Variants in ERC1 observed in about 807,000 individuals in gnomAD.
ERC1 encodes RAB6 interacting protein 2.
Under a neutral mutation model 132.0 loss-of-function variants are expected in ERC1, and 56 were observed. The observed-to-expected ratio is 0.42, with a 90% CI of 0.34 to 0.53. ERC1 has a LOEUF of 0.53. ERC1 is among the 20% of genes least tolerant of loss of function. The pLI is 0.03. For synonymous variants in ERC1, 478 were observed against 476.1 expected (o/e 1.00, Z -0.05); for missense variants, 1,202 against 1,349.9 (o/e 0.89, Z 1.72).
At position 1,205,824 on chromosome 12, in the gene ERC1, T is replaced by G. The variant is rs181754374; in HGVS notation, c.2351+15772T>G. Among the ~76,000 whole-genome samples the G allele has an allele frequency of 3.7e-3, 565 of 152,224 alleles. 3 individuals carry two copies. Among genetic ancestry groups the G allele is most frequent in the Admixed American group, 6.9e-3 (106 of 15,288 alleles). On this transcript the variant is annotated intron_variant, in intron 12 of 18. Coordinates refer to ENST00000360905, the MANE Select transcript of ERC1 (RefSeq NM_178040.4). ...GAGAACTTTCATCTCTAACTTAAGC[T>G]TCAAGCTGACTCATTTTAGTGGGAA...
Position 1,493,964 on chromosome 12 carries a change from A to T in ERC1, c.*3734A>T, listed in dbSNP as rs188967422. The T allele has an allele frequency of 8.6e-6, 2 of 232,302 alleles. No homozygotes were observed. The highest frequency in any genetic ancestry group is 1.7e-5 in the Non-Finnish European group (2 of 117,584). 14.4% of individuals were successfully genotyped at this position (232,302 alleles called of 1,614,324 possible). On this transcript the variant is annotated 3_prime_UTR_variant, in exon 19 of 19. Transcript: ENST00000360905. ...ATAAATGTTTCTGAGCCGCCCATCC[A>T]CTGGCATTTGGATTTGCTGCCAGAG...
At chr12:1,014,113 A>T (rs1191171315) in intron 1 of ERC1, among the ~76,000 whole-genome samples, 2 of 151,966 alleles carry the variant, frequency 1.3e-5, no homozygotes, top group Non-Finnish European at 2.9e-5. Context: ...TTAGTGCCGA[A>T]TGGTTGTGGA....
chr12:1,312,376 A>G (rs546425617), intron 15 of ERC1, among the ~76,000 whole-genome samples: 2 of 152,148 alleles, frequency 1.3e-5, no homozygotes, highest in Admixed American at 6.5e-5. Flanking sequence ...TCAGAGAAGT[A>G]AAGCAATTTT....
chr12:1,339,395 TCAGC>T (rs2083604775), intron 15 of ERC1, among the ~76,000 whole-genome samples: 2 of 138,866 alleles, frequency 1.4e-5, no homozygotes, highest in African/African-American at 2.9e-5. Context: ...CAGAGGCAGC[TCAGC>T]TGGACAACTG....
At chr12:1,195,779 A>T (rs2154279781) in intron 12 of ERC1, among the ~76,000 whole-genome samples, 1 of 150,854 alleles carries the variant, frequency 6.6e-6, no homozygotes, top group Admixed American at 6.7e-5. Context: ...TATGTGAGAT[A>T]GGACAATTTC....
intron 9 of ERC1, among the ~76,000 whole-genome samples, chr12:1,181,446 A>G (rs1954450766): frequency 6.6e-6 from 1 of 152,220 alleles, no homozygotes; most frequent in African/African-American, 2.4e-5. Flanking sequence ...CTTGGGATTC[A>G]AATGAATAAA....
intron 8 of ERC1, among the ~76,000 whole-genome samples, chr12:1,160,452 A>C (rs758348929): frequency 6.6e-6 from 1 of 152,160 alleles, no homozygotes; most frequent in Non-Finnish European, 1.5e-5. Flanking sequence ...ATCTAAGATC[A>C]AGGTGAGCAT....
At chr12:1,062,014 G>T (rs1253415438) in intron 2 of ERC1, among the ~76,000 whole-genome samples, 1 of 125,226 alleles carries the variant, frequency 8.0e-6, no homozygotes, top group South Asian at 2.4e-4. Context: ...TTTTTGAGAC[G>T]GAGTCTTGCT....
At chr12:1,450,544 TTGA>T (rs1286752726) in intron 18 of ERC1, among the ~76,000 whole-genome samples, 1 of 152,250 alleles carries the variant, frequency 6.6e-6, no homozygotes, top group Non-Finnish European at 1.5e-5. Context: ...CATTCCTCCA[TTGA>T]TGAACACTCG....
At chr12:1,417,910 T>A (rs2092203040) in intron 17 of ERC1, among the ~76,000 whole-genome samples, 1 of 152,184 alleles carries the variant, frequency 6.6e-6, no homozygotes, top group Non-Finnish European at 1.5e-5. Flanking sequence ...AAACACTAAG[T>A]TGTAAGTTTA....
chr12:1,306,616 G>C (rs1335751952), intron 15 of ERC1, among the ~76,000 whole-genome samples: 2 of 152,194 alleles, frequency 1.3e-5, no homozygotes, highest in African/African-American at 4.8e-5. Context: ...TTATTAAGTA[G>C]ATGCTGCAGC....
intron 3 of ERC1, among the ~76,000 whole-genome samples, chr12:1,084,841 G>A (rs1035961063): frequency 2.0e-5 from 3 of 151,850 alleles, no homozygotes; most frequent in Non-Finnish European, 4.4e-5. Flanking sequence ...ACAGGTGCAT[G>A]CCACCATGCA....
Position 1,364,979 on chromosome 12 carries a change from G to C in ERC1, c.2781-6854G>C, listed in dbSNP as rs557494627. On this transcript the variant is annotated intron_variant, in intron 15 of 18. Transcript: ENST00000360905. ...GACTTCCCCTGCTTTAGTAACAATT[G>C]TGCCCTCTGGACAAACACAGATTCA... Among the ~76,000 whole-genome samples, 18 of 152,182 alleles carry C rather than the reference G, an allele frequency of 1.2e-4. 1 individual carries two copies. The highest frequency in any genetic ancestry group is 4.3e-4 in the African/African-American group (18 of 41,522).
At chr12:1,065,772 T>C (rs1301567507) in intron 2 of ERC1, among the ~76,000 whole-genome samples, 1 of 152,166 alleles carries the variant, frequency 6.6e-6, no homozygotes, top group East Asian at 1.9e-4. Context: ...TTCCTGCAGG[T>C]ATATCTACAG....
chr12:1,083,113 T>A, intron 2 of ERC1, 51 bp from the exon 3 acceptor site: 1 of 1,507,276 alleles, frequency 6.6e-7, no homozygotes, highest in Non-Finnish European at 9.0e-7. Flanking sequence ...TCTGATTTGC[T>A]ACTTGAGGAG....
At chr12:1,387,552 A>G (rs2089509344) in intron 16 of ERC1, among the ~76,000 whole-genome samples, 1 of 152,244 alleles carries the variant, frequency 6.6e-6, no homozygotes, top group Admixed American at 6.5e-5. Context: ...GTGGGGCCCT[A>G]ACCCTAATGA....
chr12:1,119,440 A>G (rs551969750), intron 7 of ERC1, among the ~76,000 whole-genome samples: 1 of 152,164 alleles, frequency 6.6e-6, no homozygotes, highest in South Asian at 2.1e-4. Flanking sequence ...TTGGTGTCAG[A>G]CATAGGCTTG....
chr12:1,301,289 C>G (rs992453042), intron 15 of ERC1, among the ~76,000 whole-genome samples: 2 of 152,138 alleles, frequency 1.3e-5, no homozygotes, highest in Non-Finnish European at 2.9e-5. Context: ...GAATTCACCA[C>G]TGTATAACTC....
rs368991114 is a variant in ERC1, at chr12:1,468,083, G to A, written c.3214-22010G>A. On this transcript the variant is annotated intron_variant, in intron 18 of 18. Coordinates refer to ENST00000360905, the MANE Select transcript of ERC1 (RefSeq NM_178040.4). Reference sequence around the variant, plus strand: ...GGGAGTTGGAGACTCCCGATCTACAGTATGTGAGAAATCACATCAACCTTT... The same window carrying A: ...GGGAGTTGGAGACTCCCGATCTACAATATGTGAGAAATCACATCAACCTTT... Among the ~76,000 whole-genome samples the A allele has an allele frequency of 2.5e-4, 38 of 152,292 alleles. No individual in the cohort carries two copies. The East Asian group carries it at 3.7e-3, about 15-fold the overall frequency.
Sources: gnomAD v4.1 joint callset for allele counts (sites outside exome capture counted in the v4.1 genomes callset) on GRCh38, gnomAD v4.1.1 for gene constraint, MANE v1.5 for transcripts, NCBI Gene and HGNC (gene_info 2026-07-23, HGNC 2026-07-21) for gene names.